The following TUBB6 variants were observed in gnomAD, a reference collection of about 807,000 sequenced individuals.
TUBB6 encodes tubulin beta-6 chain.
TUBB6 carries 18 observed loss-of-function variants against 32.3 expected under a neutral mutation model. The observed-to-expected ratio is 0.56, with a 90% CI of 0.39 to 0.83. The LOEUF is 0.83. Among genes scored for constraint, TUBB6 ranks in the 40% least tolerant of loss-of-function variants. The pLI is 0.00. For synonymous variants in TUBB6, 280 were observed against 265.8 expected, an observed-to-expected ratio of 1.05 and a Z score of -0.52; for missense variants, 480 against 632.0, an observed-to-expected ratio of 0.76 and a Z score of 2.58.
At position 12,310,964 on chromosome 18, in the gene TUBB6, C is replaced by T. The variant is rs866985204; in HGVS notation, c.188C>T (p.Ala63Val). Residue 63 changes from alanine (A) to valine (V), a missense_variant, in exon 3 of 4, where the codon GCC becomes GTC. Transcript: ENST00000317702. ...ESSSQKYVPR[A>V]ALVDLEPGTM... ...CCAGCTCAGAAATATGTGCCCAGGG[C>T]CGCCCTGGTGGACTTAGAGCCAGGC... The T allele has an allele frequency of 4.3e-6, 7 of 1,613,018 alleles. 1 individual carries two copies. The Middle Eastern group carries it at 1.2e-3, about 266-fold the overall frequency.
chr18:12,312,836 C>T (rs187776475), intron 3 of TUBB6, among the ~76,000 whole-genome samples: 257 of 151,944 alleles, frequency 1.7e-3, no homozygotes, highest in African/African-American at 6.1e-3. Flanking sequence ...CCCATCTCTA[C>T]TAAAAATACA....
At position 12,311,065 on chromosome 18, in the gene TUBB6, C is replaced by T. The variant is rs1906352994; in HGVS notation, c.277+12C>T. 1 of 1,581,274 alleles carries T rather than the reference C, an allele frequency of 6.3e-7. No homozygotes were observed. The highest frequency in any genetic ancestry group is 8.7e-7 in the Non-Finnish European group (1 of 1,153,848). On this transcript the variant is annotated intron_variant, in intron 3 of 3. Coordinates refer to ENST00000317702, the MANE Select transcript of TUBB6 (RefSeq NM_032525.3). ...CAACTTCATCTTTGGTAGGTTCCATCTTTCTCACTTTCTTCTTCTTCTTTT... is the reference window on the plus strand; with the variant it reads ...CAACTTCATCTTTGGTAGGTTCCATTTTTCTCACTTTCTTCTTCTTCTTTT...
downstream of TUBB6, among the ~76,000 whole-genome samples, chr18:12,327,123 G>A (rs1251980029): frequency 6.6e-6 from 1 of 152,214 alleles, no homozygotes; most frequent in East Asian, 1.9e-4. Context: ...CTGCCCTCTT[G>A]AAGCTGTGAA....
chr18:12,322,556 T>C (rs1598809515), intron 3 of TUBB6, among the ~76,000 whole-genome samples: 1 of 152,132 alleles, frequency 6.6e-6, no homozygotes, highest in South Asian at 2.1e-4. Flanking sequence ...GGTTTTGCCA[T>C]GTTGCCCAGG....
chr18:12,321,026 CT>C (rs1317433621), intron 3 of TUBB6, among the ~76,000 whole-genome samples: 1 of 152,150 alleles, frequency 6.6e-6, no homozygotes, highest in Non-Finnish European at 1.5e-5. Flanking sequence ...ATAGAATCTC[CT>C]TGTTTTAATT....
rs141710248 is a variant in TUBB6 at position 12,317,542 on chromosome 18, G to C, written c.277+6489G>C. Reference sequence around the variant, plus strand: ...GTCATACCTACTCTATTGTTGGAAAGTTTTGTGGGAAAAGAATGAAGCACC... The same window carrying C: ...GTCATACCTACTCTATTGTTGGAAACTTTTGTGGGAAAAGAATGAAGCACC... On this transcript the variant is annotated intron_variant, in intron 3 of 3. Transcript: ENST00000317702. Among the ~76,000 whole-genome samples, 489 of 152,340 alleles carry C rather than the reference G, an allele frequency of 3.2e-3. 3 individuals carry two copies. Among genetic ancestry groups the C allele is most frequent in the Non-Finnish European group, 5.2e-3 (351 of 68,026 alleles).
chr18:12,314,615 C>T (rs1250657275), intron 3 of TUBB6, among the ~76,000 whole-genome samples: 1 of 152,082 alleles, frequency 6.6e-6, no homozygotes, highest in African/African-American at 2.4e-5. Flanking sequence ...GAAACAGTTA[C>T]AAGCATATCT....
intron 3 of TUBB6, among the ~76,000 whole-genome samples, chr18:12,318,900 G>T (rs1223392060): frequency 6.6e-6 from 1 of 152,096 alleles, no homozygotes; most frequent in East Asian, 1.9e-4. Context: ...GATTGCAGGT[G>T]TGAGCTCCCA....
chr18:12,321,972 G>A (rs1368454449), intron 3 of TUBB6, among the ~76,000 whole-genome samples: 1 of 152,144 alleles, frequency 6.6e-6, no homozygotes, highest in Non-Finnish European at 1.5e-5. Context: ...GTCATGACCT[G>A]CAAGTTAGGT....
intron 3 of TUBB6, among the ~76,000 whole-genome samples, chr18:12,314,376 G>A (rs956977816): frequency 2.6e-5 from 4 of 151,942 alleles, no homozygotes; most frequent in South Asian, 2.1e-4. Context: ...CTGAGCGAGC[G>A]GACAGCTAAG....
intron 3 of TUBB6, among the ~76,000 whole-genome samples, chr18:12,319,849 C>T (rs537723498): frequency 9.2e-5 from 14 of 151,896 alleles, no homozygotes; most frequent in Non-Finnish European, 2.1e-4. Context: ...TGCAGTGGTG[C>T]GATCTTAGCT....
At chr18:12,310,874 T>G in intron 2 of TUBB6, 69 bp from the exon 3 acceptor site, 2 of 1,116,664 alleles carry the variant, frequency 1.8e-6, no homozygotes, top group Non-Finnish European at 2.6e-6. Flanking sequence ...TGGTGGGACT[T>G]GAAACGGGGA....
At position 12,325,115 on chromosome 18, in the gene TUBB6, G is replaced by A. The variant is rs958589044; in HGVS notation, c.326G>A (p.Gly109Asp). 11 of 1,599,146 alleles carry A rather than the reference G, an allele frequency of 6.9e-6. No individual in the cohort carries two copies. Among genetic ancestry groups the A allele is most frequent in the Admixed American group, 1.7e-5 (1 of 59,470 alleles). The change falls in exon 4 of 4, where the codon GGC (glycine) becomes GAC (aspartate). Residue 109 changes from glycine to aspartate, a missense_variant. By Grantham distance (94) the Gly-to-Asp change is moderately conservative. Transcript: ENST00000317702. The stretch of plus-strand genomic sequence containing the variant: ...TGGGCGAAAGGGCACTACACGGAGG[G>A]CGCGGAGCTGGTGGACGCAGTGCTG... ...NNWAKGHYTE[G>D]AELVDAVLDV...
At chr18:12,320,039 C>T (rs909076552) in intron 3 of TUBB6, among the ~76,000 whole-genome samples, 8 of 151,998 alleles carry the variant, frequency 5.3e-5, no homozygotes, top group African/African-American at 1.9e-4. Flanking sequence ...CCACCCGCCT[C>T]GGCCTCCCAA....
rs140661789 is a variant in TUBB6 at position 12,322,272 on chromosome 18, T to C, written c.278-2795T>C. 9.1e-3 allele frequency among the ~76,000 whole-genome samples: 1,379 copies of C among 151,698 alleles called. 17 individuals are homozygous for C. The highest frequency in any genetic ancestry group is 0.031 in the African/African-American group (1,298 of 41,346). On this transcript the variant is annotated intron_variant, in intron 3 of 3. Transcript: ENST00000317702. ...AATACCGTGCCACTGCACTTTAGCC[T>C]GGGCAACAGAGTGAGACTCCATCTC...
chr18:12,317,930 C>G (rs1906760082), intron 3 of TUBB6, among the ~76,000 whole-genome samples: 1 of 152,176 alleles, frequency 6.6e-6, no homozygotes, highest in African/African-American at 2.4e-5. Context: ...ATCAAGAGCA[C>G]AGAAAACTTC....
Position 12,308,285 on chromosome 18 carries a change from C to G in TUBB6, c.-8C>G, listed in dbSNP as rs535654999. On this transcript the variant is annotated 5_prime_UTR_variant, in exon 1 of 4. Coordinates refer to ENST00000317702, the MANE Select transcript of TUBB6 (RefSeq NM_032525.3). The stretch of plus-strand genomic sequence containing the variant: ...AGAGCCAGTTCCTAGCGCAGAGCCG[C>G]GCCCGCCATGAGGGAGATCGTGCAC... 6.9e-7 allele frequency: 1 copy of G among 1,445,540 alleles called. No homozygotes were observed. The highest frequency in any genetic ancestry group is 9.1e-7 in the Non-Finnish European group (1 of 1,094,276). The allele number at this position is 1,445,540 out of a possible 1,614,324, so 89.5% of individuals were successfully genotyped here. A position where few individuals can be genotyped will look rare whatever the true frequency, so the allele number is the denominator to read the frequency against.
chr18:12,329,698 G>C (rs1466831338), downstream of TUBB6: 1 of 1,614,170 alleles, frequency 6.2e-7, no homozygotes, highest in Admixed American at 1.7e-5. Context: ...TTCATAGGTA[G>C]ATTTTTCCGC....
At chr18:12,308,663 T>TCC (rs779253519) in intron 1 of TUBB6, 24 bp from the exon 2 acceptor site, 3 of 1,512,888 alleles carry the variant, frequency 2.0e-6, no homozygotes, top group African/African-American at 2.8e-5. Flanking sequence ...TGAGCGTCTG[T>TCC]CCCCCCGCCT....
Sources: gnomAD v4.1 joint callset for allele counts (sites outside exome capture counted in the v4.1 genomes callset) on GRCh38, gnomAD v4.1.1 for gene constraint, MANE v1.5 for transcripts, NCBI Gene and HGNC (gene_info 2026-07-23, HGNC 2026-07-21) for gene names.